The following ANK3 variants were observed in gnomAD, a reference collection of about 807,000 sequenced individuals.
ANK3 encodes the protein ankyrin-3.
In ANK3, 57 loss-of-function variants were observed where a neutral mutation model predicts 370.9. The ratio of observed to expected loss-of-function variants is 0.15; its 90% CI spans 0.12 to 0.19. ANK3 has a LOEUF of 0.19. Ranked by LOEUF, ANK3 falls within the 10% of genes least tolerant of loss-of-function variation. The pLI, the probability that ANK3 is intolerant of heterozygous loss-of-function variation, is 1.00. For missense variants in ANK3, 4,439 were observed against 5,302.1 expected (o/e 0.84, Z 5.06); for synonymous variants, 1,929 against 1,946.3 (o/e 0.99, Z 0.23).
intron 23 of ANK3, among the ~76,000 whole-genome samples, chr10:60,153,909 CT>C (rs1272220807): frequency 1.3e-5 from 2 of 152,180 alleles, no homozygotes; most frequent in African/African-American, 4.8e-5. Context: ...CAATCTTCAT[CT>C]TGCTTCATCT....
intron 1 of ANK3, among the ~76,000 whole-genome samples, chr10:60,370,435 T>C (rs1048191434): frequency 6.6e-6 from 1 of 152,150 alleles, no homozygotes; most frequent in Non-Finnish European, 1.5e-5. Context: ...TGAATAGCAT[T>C]GAAAAATTAA....
intron 8 of ANK3, among the ~76,000 whole-genome samples, chr10:60,222,960 C>A (rs2097086982): frequency 6.6e-6 from 1 of 152,060 alleles, no homozygotes; most frequent in Admixed American, 6.5e-5. Context: ...AACTTTTTAC[C>A]TAGTATTTTC....
intron 1 of ANK3, among the ~76,000 whole-genome samples, chr10:60,291,716 G>A (rs1467604944): frequency 2.0e-4 from 30 of 151,998 alleles, no homozygotes; most frequent in Admixed American, 1.8e-3. Flanking sequence ...CTTTATCCAA[G>A]ATACATTTCT....
intron 25 of ANK3, among the ~76,000 whole-genome samples, chr10:60,131,546 C>T (rs2132174599): frequency 6.6e-6 from 1 of 152,322 alleles, no homozygotes; most frequent in African/African-American, 2.4e-5. Flanking sequence ...ACAAGAGCAT[C>T]AGTTTCATCT....
At chr10:60,679,567 C>G (rs2079167746) in intron 1 of ANK3, among the ~76,000 whole-genome samples, 1 of 152,134 alleles carries the variant, frequency 6.6e-6, no homozygotes, top group African/African-American at 2.4e-5. Context: ...AAAAATGCCT[C>G]AAACGAGCAT....
At chr10:60,490,085 G>A (rs114683578) in intron 2 of ANK3, among the ~76,000 whole-genome samples, 2,298 of 152,208 alleles carry the variant, frequency 0.015, 60 homozygotes, top group African/African-American at 0.052. Flanking sequence ...CCTGAAATCA[G>A]AGCGCATATG....
chr10:60,431,409 G>A (rs2132978912), intron 2 of ANK3, among the ~76,000 whole-genome samples: 1 of 152,286 alleles, frequency 6.6e-6, no homozygotes, highest in African/African-American at 2.4e-5. Context: ...GTTAGCCATG[G>A]AGAGCGGCTG....
chr10:60,323,574 T>C (rs1674620432), intron 1 of ANK3, among the ~76,000 whole-genome samples: 1 of 152,098 alleles, frequency 6.6e-6, no homozygotes. Context: ...TTAGGGGAGA[T>C]GTCTCCAATG....
intron 1 of ANK3, among the ~76,000 whole-genome samples, chr10:60,342,103 G>A (rs191660160): frequency 9.9e-5 from 15 of 152,130 alleles, no homozygotes; most frequent in East Asian, 5.8e-4. Flanking sequence ...GTTCCATTTC[G>A]TGTGCTTGCC....
At chr10:60,660,970 C>T (rs1390587986) in intron 1 of ANK3, among the ~76,000 whole-genome samples, 1 of 151,400 alleles carries the variant, frequency 6.6e-6, no homozygotes, top group Non-Finnish European at 1.5e-5. Flanking sequence ...TAATGTACAA[C>T]CAATCAACTT....
At chr10:60,266,388 A>T (rs1419068011) in intron 5 of ANK3, among the ~76,000 whole-genome samples, 1 of 152,182 alleles carries the variant, frequency 6.6e-6, no homozygotes, top group Non-Finnish European at 1.5e-5. Context: ...TATGTAATGT[A>T]TTACTTTTGC....
chr10:60,115,828 T>C (rs2093041791), intron 25 of ANK3, among the ~76,000 whole-genome samples: 1 of 152,054 alleles, frequency 6.6e-6, no homozygotes, highest in African/African-American at 2.4e-5. Context: ...ATTGGACCCT[T>C]AGAAATAGAA....
chr10:60,609,752 G>A (rs1440414233), intron 2 of ANK3, among the ~76,000 whole-genome samples: 1 of 152,114 alleles, frequency 6.6e-6, no homozygotes, highest in Non-Finnish European at 1.5e-5. Flanking sequence ...CAACATCTGT[G>A]CTAGACTGAA....
At chr10:60,042,013 C>T (rs1322407202) in intron 43 of ANK3, among the ~76,000 whole-genome samples, 3 of 152,100 alleles carry the variant, frequency 2.0e-5, no homozygotes, top group African/African-American at 7.2e-5. Context: ...CTTTTTCACC[C>T]CATATGGCCT....
intron 1 of ANK3, among the ~76,000 whole-genome samples, chr10:60,676,853 T>A (rs2079132527): frequency 6.6e-6 from 1 of 152,162 alleles, no homozygotes; most frequent in African/African-American, 2.4e-5. Flanking sequence ...CAGTTAACAA[T>A]AATTTATTGT....
chr10:60,206,716 C>T (rs2096769057), intron 10 of ANK3, among the ~76,000 whole-genome samples: 1 of 152,218 alleles, frequency 6.6e-6, no homozygotes, highest in Non-Finnish European at 1.5e-5. Context: ...TTATTTGAAT[C>T]ATTTTGTTTA....
intron 1 of ANK3, among the ~76,000 whole-genome samples, chr10:60,628,697 A>G (rs1469872454): frequency 2.0e-5 from 3 of 152,184 alleles, no homozygotes; most frequent in Non-Finnish European, 2.9e-5. Context: ...AAATAAATAA[A>G]CCAGATCACA....
At chr10:60,225,985 C>T (rs1215009311) in intron 8 of ANK3, among the ~76,000 whole-genome samples, 5 of 145,774 alleles carry the variant, frequency 3.4e-5, no homozygotes, top group Non-Finnish European at 7.5e-5. Context: ...TATAATATTA[C>T]AAATTGTAAT....
At chr10:60,459,376 T>C (rs1406329910) in intron 2 of ANK3, among the ~76,000 whole-genome samples, 1 of 152,190 alleles carries the variant, frequency 6.6e-6, no homozygotes, top group East Asian at 1.9e-4. Flanking sequence ...ACACTGCCAC[T>C]GGTTCCTGTA....
Sources: allele counts gnomAD v4.1 joint callset (sites outside exome capture counted in the v4.1 genomes callset), GRCh38; gene constraint gnomAD v4.1.1; transcripts MANE v1.5; gene names NCBI Gene and HGNC (gene_info 2026-07-23, HGNC 2026-07-21).